The following AGBL1 variants were observed in gnomAD, a reference collection of about 807,000 sequenced individuals.
AGBL1 encodes the protein AGBL carboxypeptidase 1.
A neutral mutation model predicts 118.9 loss-of-function variants in AGBL1; 130 were observed. The observed-to-expected ratio is 1.09, with a 90% CI of 0.95 to 1.26. The LOEUF is 1.26. Ranked by LOEUF, AGBL1 falls within the 50% of genes most tolerant of loss-of-function variation. The pLI is 0.00. For synonymous variants in AGBL1, 555 were observed against 478.9 expected, an observed-to-expected ratio of 1.16 and a Z score of -2.08; for missense variants, 1,584 against 1,298.1, an observed-to-expected ratio of 1.22 and a Z score of -3.38.
chr15:86,302,507 T>G (rs894908046), intron 17 of AGBL1, among the ~76,000 whole-genome samples: 1 of 152,000 alleles, frequency 6.6e-6, no homozygotes, highest in African/African-American at 2.4e-5. Flanking sequence ...ACAGGTGTGG[T>G]GGCTCATGCC....
At chr15:86,609,233 C>T (rs1469846970) in intron 21 of AGBL1, among the ~76,000 whole-genome samples, 1 of 152,080 alleles carries the variant, frequency 6.6e-6, no homozygotes, top group South Asian at 2.1e-4. Context: ...TACTAGATCT[C>T]AGGCTCTGCA....
intron 18 of AGBL1, among the ~76,000 whole-genome samples, chr15:86,432,588 C>T (rs2081947358): frequency 6.6e-6 from 1 of 152,176 alleles, no homozygotes; most frequent in African/African-American, 2.4e-5. Flanking sequence ...GGTAATGTTG[C>T]TGGGTTTCTG....
intron 17 of AGBL1, among the ~76,000 whole-genome samples, chr15:86,385,434 A>C (rs2081170053): frequency 1.3e-5 from 2 of 152,116 alleles, no homozygotes; most frequent in Non-Finnish European, 2.9e-5. Context: ...ATCACCTCAG[A>C]CTCATTGGAG....
intron 22 of AGBL1, among the ~76,000 whole-genome samples, chr15:86,841,519 T>C (rs1408182258): frequency 2.0e-5 from 3 of 152,194 alleles, no homozygotes; most frequent in Admixed American, 2.0e-4. Flanking sequence ...AATTTGGCAT[T>C]CCCAACACAC....
chr15:86,894,528 T>G (rs1476462572), intron 22 of AGBL1, among the ~76,000 whole-genome samples: 2 of 152,168 alleles, frequency 1.3e-5, no homozygotes, highest in African/African-American at 4.8e-5. Flanking sequence ...ACACGGGCTG[T>G]GTTGCTCTTC....
At chr15:86,242,376 T>C (rs996776466) in intron 6 of AGBL1, among the ~76,000 whole-genome samples, 2 of 152,240 alleles carry the variant, frequency 1.3e-5, no homozygotes, top group African/African-American at 4.8e-5. Context: ...TTTATATGTA[T>C]TATCTCATTT....
rs545648241 is a variant in AGBL1, at chr15:86,436,680, T to C, written c.2555+39134T>C. ...GGAAGACTTATATTAGTAATAATAT[T>C]TGTTGACAACCATGATTTCAAATTT... is the stretch of plus-strand genomic sequence containing the variant. On this transcript the variant is annotated intron_variant, in intron 18 of 22. Transcript: ENST00000614907. Among the ~76,000 whole-genome samples the C allele has an allele frequency of 3.7e-4, 56 of 152,356 alleles. No homozygotes were observed. In the South Asian group the frequency reaches 0.011, roughly 29 times the overall value.
intron 17 of AGBL1, among the ~76,000 whole-genome samples, chr15:86,336,319 GT>G (rs1413574168): frequency 2.0e-5 from 3 of 152,216 alleles, no homozygotes; most frequent in Non-Finnish European, 4.4e-5. Context: ...ACATGCTTCA[GT>G]TTTGAGTTGC....
intron 16 of AGBL1, among the ~76,000 whole-genome samples, chr15:86,289,714 T>C (rs930077781): frequency 2.0e-5 from 3 of 152,170 alleles, no homozygotes; most frequent in African/African-American, 7.2e-5. Flanking sequence ...ACATCCCATC[T>C]CCTCCTTTGG....
intron 21 of AGBL1, among the ~76,000 whole-genome samples, chr15:86,589,202 C>G (rs886291859): frequency 2.6e-5 from 4 of 152,124 alleles, no homozygotes; most frequent in Non-Finnish European, 4.4e-5. Flanking sequence ...AAGTGATCAA[C>G]TCACAGGTTG....
intron 23 of AGBL1, among the ~76,000 whole-genome samples, chr15:86,956,248 G>A (rs1478654923): frequency 6.6e-6 from 1 of 151,930 alleles, no homozygotes; most frequent in Non-Finnish European, 1.5e-5. Context: ...TAGATAGATA[G>A]ATAGATAGAT....
chr15:86,260,269 G>T (rs2078962084), intron 9 of AGBL1, among the ~76,000 whole-genome samples: 1 of 152,228 alleles, frequency 6.6e-6, no homozygotes, highest in African/African-American at 2.4e-5. Context: ...CACTGATCCA[G>T]GCCTTTAACC....
At chr15:86,487,569 T>G (rs1596178973) in intron 18 of AGBL1, among the ~76,000 whole-genome samples, 1 of 29,460 alleles carries the variant, frequency 3.4e-5, no homozygotes, top group East Asian at 9.8e-4. Flanking sequence ...GCCCCCTGAC[T>G]TTTTTTTTTT....
At chr15:86,723,484 A>G (rs1277616083) in intron 22 of AGBL1, among the ~76,000 whole-genome samples, 1 of 152,172 alleles carries the variant, frequency 6.6e-6, no homozygotes, top group Non-Finnish European at 1.5e-5. Context: ...GAAGGGGAAC[A>G]TCACACACCG....
chr15:86,483,196 C>T (rs1377928781), intron 18 of AGBL1, among the ~76,000 whole-genome samples: 1 of 152,026 alleles, frequency 6.6e-6, no homozygotes, highest in African/African-American at 2.4e-5. Context: ...GTTTTCAGTC[C>T]TCTGACATAA....
At chr15:86,766,635 C>A (rs754571071) in intron 22 of AGBL1, among the ~76,000 whole-genome samples, 3 of 151,826 alleles carry the variant, frequency 2.0e-5, no homozygotes, top group African/African-American at 7.3e-5. Context: ...TTCCCTTATT[C>A]ATCCATTTGT....
chr15:86,390,763 G>A (rs2141979498), intron 17 of AGBL1, among the ~76,000 whole-genome samples: 1 of 131,050 alleles, frequency 7.6e-6, no homozygotes, highest in African/African-American at 2.9e-5. Flanking sequence ...TCCGCCTATT[G>A]AGTTCTAGCG....
At chr15:86,461,607 A>T (rs1369941244) in intron 18 of AGBL1, among the ~76,000 whole-genome samples, 1 of 152,198 alleles carries the variant, frequency 6.6e-6, no homozygotes, top group African/African-American at 2.4e-5. Context: ...TTAAAAATAT[A>T]TATAAGTGCC....
intron 18 of AGBL1, among the ~76,000 whole-genome samples, chr15:86,480,430 A>T (rs2082636219): frequency 6.6e-6 from 1 of 152,072 alleles, no homozygotes; most frequent in African/African-American, 2.4e-5. Flanking sequence ...GTTTGTGGCT[A>T]TTTTTGTCAT....
Sources: allele counts gnomAD v4.1 joint callset (sites outside exome capture counted in the v4.1 genomes callset), GRCh38; gene constraint gnomAD v4.1.1; transcripts MANE v1.5; gene names NCBI Gene and HGNC (gene_info 2026-07-23, HGNC 2026-07-21).